Variants in CPM observed in about 807,000 individuals in gnomAD.
CPM encodes carboxypeptidase M, also known as renal carboxypeptidase.
CPM carries 35 observed loss-of-function variants against 46.4 expected under a neutral mutation model. The observed-to-expected ratio is 0.75, with a 90% CI of 0.58 to 1.00. CPM has a LOEUF of 1.00. CPM is among the 50% of genes least tolerant of loss of function. The pLI is 0.00. For synonymous variants in CPM, 195 were observed against 195.3 expected (o/e 1.00, Z 0.01); for missense variants, 422 against 530.4 (o/e 0.80, Z 2.01).
rs1884821191 is a variant in CPM at position 68,853,549 on chromosome 12, T to C, written c.*2888A>G. 1 of 152,192 alleles carries C rather than the reference T, an allele frequency of 6.6e-6. No individual in the cohort carries two copies. Among genetic ancestry groups the C allele is most frequent in the African/African-American group, 2.4e-5 (1 of 41,448 alleles). 9.4% of individuals were successfully genotyped at this position (152,192 alleles called of 1,614,324 possible). A position where few individuals can be genotyped will look rare whatever the true frequency, so the allele number is the denominator to read the frequency against. On this transcript the variant is annotated 3_prime_UTR_variant, in exon 9 of 9. Coordinates refer to ENST00000551568, the MANE Select transcript of CPM (RefSeq NM_198320.5). Reference sequence around the variant, plus strand: ...CATAGAAATGGCCTAAATGCTCCTGTAGCTCTTCATTCCTTTGTCGTTCTC... The same window carrying C: ...CATAGAAATGGCCTAAATGCTCCTGCAGCTCTTCATTCCTTTGTCGTTCTC...
At chr12:68,922,618 A>ATTTTTT (rs10603077) in intron 2 of CPM, among the ~76,000 whole-genome samples, 1 of 138,118 alleles carries the variant, frequency 7.2e-6, no homozygotes. Flanking sequence ...AGTTGGCAGC[A>ATTTTTT]TTTTTTTTTT....
chr12:68,871,659 C>T (rs1352355594), intron 4 of CPM, 125 bp downstream of exon 4: 9 of 1,029,842 alleles, frequency 8.7e-6, no homozygotes, highest in Non-Finnish European at 1.0e-5. Flanking sequence ...GGCACATCAG[C>T]GACATGACAC....
At position 68,909,215 on chromosome 12, in the gene CPM, A is replaced by T. The variant is rs11177410; in HGVS notation, c.161-23326T>A. On this transcript the variant is annotated intron_variant, in intron 2 of 8. Transcript: ENST00000551568. ...GCACCATCATGCCTGGCTAGTTTTT[A>T]AAAAAATTTTCGTTAGAGATGGGAT... Among the ~76,000 whole-genome samples, 4 of 152,166 alleles carry T rather than the reference A, an allele frequency of 2.6e-5. No homozygotes were observed. In the South Asian group the frequency reaches 6.2e-4, roughly 24 times the overall value.
intron 1 of CPM, among the ~76,000 whole-genome samples, chr12:68,948,240 G>A (rs1004883019): frequency 6.6e-5 from 10 of 152,056 alleles, no homozygotes; most frequent in African/African-American, 9.7e-5. Context: ...GATAAATACC[G>A]CTAACAATTT....
intron 2 of CPM, among the ~76,000 whole-genome samples, chr12:68,909,374 A>T (rs1352667817): frequency 6.6e-6 from 1 of 150,568 alleles, no homozygotes; most frequent in Non-Finnish European, 1.5e-5. Context: ...TAAAATGGAG[A>T]TTTTTTTTTT....
chr12:68,953,796 A>G (rs950165943), intron 1 of CPM, among the ~76,000 whole-genome samples: 5 of 152,244 alleles, frequency 3.3e-5, no homozygotes, highest in Admixed American at 3.3e-4. Context: ...CAAATGGAAC[A>G]TGATATGATT....
At chr12:68,848,832 C>T (rs751169591), downstream of CPM, 3 of 152,216 alleles carry the variant, frequency 2.0e-5, no homozygotes, top group Non-Finnish European at 2.9e-5. Context: ...CCTGCCTCAG[C>T]CTCCCGAGTA....
intron 2 of CPM, among the ~76,000 whole-genome samples, chr12:68,920,725 C>A: frequency 7.1e-6 from 1 of 141,086 alleles, no homozygotes; most frequent in African/African-American, 2.7e-5. Flanking sequence ...CAGAGACTCA[C>A]TGTGGGCCAG....
intron 2 of CPM, among the ~76,000 whole-genome samples, chr12:68,888,702 G>C (rs1886534171): frequency 6.6e-6 from 1 of 152,174 alleles, no homozygotes; most frequent in Non-Finnish European, 1.5e-5. Context: ...GTGTTCTAAA[G>C]AGTTCTGAAG....
chr12:68,845,145 GA>G (rs1284664459), intron 5 of CPM: 1 of 223,918 alleles, frequency 4.5e-6, no homozygotes, highest in Admixed American at 5.7e-5. Context: ...ATGGCATTGT[GA>G]AAAGTTTTTA....
chr12:68,878,287 T>G (rs772056610), intron 3 of CPM, among the ~76,000 whole-genome samples: 7 of 152,230 alleles, frequency 4.6e-5, no homozygotes, highest in Non-Finnish European at 1.0e-4. Context: ...AAGATGATAA[T>G]AGCCTTTTCC....
intron 2 of CPM, among the ~76,000 whole-genome samples, chr12:68,928,871 C>A (rs1216011757): frequency 1.3e-5 from 2 of 151,676 alleles, no homozygotes; most frequent in Non-Finnish European, 2.9e-5. Context: ...TCCCAAGTAG[C>A]TGGGACCACA....
At chr12:68,905,998 GAACAC>G (rs1229830125) in intron 2 of CPM, among the ~76,000 whole-genome samples, 8 of 152,334 alleles carry the variant, frequency 5.3e-5, no homozygotes, top group African/African-American at 1.9e-4. Flanking sequence ...CTTGCTGCAA[GAACAC>G]CTTGGCATGC....
intron 2 of CPM, among the ~76,000 whole-genome samples, chr12:68,886,910 G>C (rs1040089020): frequency 2.0e-5 from 3 of 152,184 alleles, no homozygotes; most frequent in Non-Finnish European, 4.4e-5. Flanking sequence ...CTCTGGCTCA[G>C]GTAATCTCAA....
chr12:68,874,619 A>C (rs921694912), intron 3 of CPM, among the ~76,000 whole-genome samples: 12 of 152,192 alleles, frequency 7.9e-5, no homozygotes, highest in East Asian at 1.9e-4. Flanking sequence ...TCGAAAAAAA[A>C]CCAAAAAAAT....
intron 3 of CPM, among the ~76,000 whole-genome samples, chr12:68,884,888 G>A (rs575846207): frequency 6.6e-6 from 1 of 152,262 alleles, no homozygotes; most frequent in Admixed American, 6.5e-5. Context: ...TAAAAGGAGA[G>A]TTTATCCCTG....
intron 2 of CPM, among the ~76,000 whole-genome samples, chr12:68,919,067 G>A (rs896024269): frequency 2.0e-5 from 3 of 152,094 alleles, no homozygotes; most frequent in African/African-American, 4.8e-5. Context: ...TTTCCACCTC[G>A]AGGCCTTTGC....
intron 8 of CPM, among the ~76,000 whole-genome samples, chr12:68,857,418 C>T (rs1484035587): frequency 6.6e-6 from 1 of 152,086 alleles, no homozygotes; most frequent in Non-Finnish European, 1.5e-5. Flanking sequence ...TGCCTCTCAG[C>T]CTCCCAAAGT....
At chr12:68,941,531 G>A (rs1012133223) in intron 1 of CPM, among the ~76,000 whole-genome samples, 3 of 151,874 alleles carry the variant, frequency 2.0e-5, no homozygotes, top group Non-Finnish European at 2.9e-5. Flanking sequence ...GTACCACCAC[G>A]CATGGCTATT....
Sources: gnomAD v4.1 joint callset for allele counts (sites outside exome capture counted in the v4.1 genomes callset) on GRCh38, gnomAD v4.1.1 for gene constraint, MANE v1.5 for transcripts, NCBI Gene and HGNC (gene_info 2026-07-23, HGNC 2026-07-21) for gene names.